BBS9: variants seen among roughly 807,000 people sequenced by gnomAD.
The protein encoded by BBS9 is protein PTHB1.
In BBS9, 89 loss-of-function variants were observed where a neutral mutation model predicts 117.7. That is an observed-to-expected ratio of 0.76 (90% CI 0.64 to 0.90). The LOEUF is 0.90. Ranked by LOEUF, BBS9 falls within the 40% of genes least tolerant of loss-of-function variation. The pLI, the probability that BBS9 is intolerant of heterozygous loss-of-function variation, is 0.00. For missense variants in BBS9, 982 were observed against 1,042.2 expected, an observed-to-expected ratio of 0.94 and a Z score of 0.80; for synonymous variants, 379 against 370.9, an observed-to-expected ratio of 1.02 and a Z score of -0.25.
chr7:33,157,043 T>C (rs896490433), intron 4 of BBS9, among the ~76,000 whole-genome samples: 7 of 152,192 alleles, frequency 4.6e-5, no homozygotes, highest in Admixed American at 4.6e-4. Flanking sequence ...CAGTTATAGT[T>C]ACCCAGAATA....
intron 21 of BBS9, among the ~76,000 whole-genome samples, chr7:33,634,964 G>C (rs1389773584): frequency 1.3e-5 from 2 of 152,230 alleles, no homozygotes; most frequent in African/African-American, 4.8e-5. Flanking sequence ...GTCACGGGCA[G>C]TTGAAATTCT....
At chr7:33,297,278 G>A (rs1344557451) in intron 9 of BBS9, among the ~76,000 whole-genome samples, 2 of 152,078 alleles carry the variant, frequency 1.3e-5, no homozygotes, top group Non-Finnish European at 2.9e-5. Context: ...TTTTAGAGGT[G>A]AAAATCTATT....
chr7:33,357,638 C>A, intron 15 of BBS9: 1 of 624,792 alleles, frequency 1.6e-6, no homozygotes, highest in Non-Finnish European at 2.9e-6. Flanking sequence ...CATGTCTATG[C>A]TTCTTTTAAA....
chr7:33,249,393 A>G (rs1795886564), intron 5 of BBS9, among the ~76,000 whole-genome samples: 1 of 152,106 alleles, frequency 6.6e-6, no homozygotes, highest in Non-Finnish European at 1.5e-5. Flanking sequence ...CTTTGACTAT[A>G]TGATATTTTA....
intron 21 of BBS9, among the ~76,000 whole-genome samples, chr7:33,585,305 G>A (rs1213080935): frequency 6.6e-6 from 1 of 152,144 alleles, no homozygotes. Flanking sequence ...AAGGGGTGTA[G>A]TAGGTGTTGA....
At chr7:33,228,151 C>T (rs948970822) in intron 5 of BBS9, among the ~76,000 whole-genome samples, 2 of 151,964 alleles carry the variant, frequency 1.3e-5, no homozygotes. Flanking sequence ...TATTTTTTGG[C>T]TTTTTAATTG....
At chr7:33,144,073 A>G (rs1263802557) in intron 1 of BBS9, among the ~76,000 whole-genome samples, 1 of 151,920 alleles carries the variant, frequency 6.6e-6, no homozygotes, top group African/African-American at 2.4e-5. Flanking sequence ...CACCACTCTT[A>G]CCTTTATTTT....
intron 9 of BBS9, among the ~76,000 whole-genome samples, chr7:33,297,814 A>G (rs1287915438): frequency 1.3e-5 from 2 of 152,136 alleles, no homozygotes; most frequent in Non-Finnish European, 1.5e-5. Flanking sequence ...TGAGCATAGG[A>G]CAGATTTAAC....
intron 19 of BBS9, among the ~76,000 whole-genome samples, chr7:33,435,354 C>A (rs1462858022): frequency 6.6e-6 from 1 of 152,104 alleles, no homozygotes; most frequent in African/African-American, 2.4e-5. Context: ...TTTGTTAAAT[C>A]TTTGATACTT....
intron 19 of BBS9, among the ~76,000 whole-genome samples, chr7:33,496,291 G>A (rs1844699622): frequency 1.3e-5 from 2 of 152,070 alleles, no homozygotes; most frequent in Non-Finnish European, 1.5e-5. Context: ...AGATCATGAG[G>A]TCAGGAGTTC....
chr7:33,510,088 T>C (rs189436260), intron 20 of BBS9, among the ~76,000 whole-genome samples: 15 of 152,268 alleles, frequency 9.9e-5, no homozygotes, highest in Non-Finnish European at 1.8e-4. Flanking sequence ...TGGTGTCTCC[T>C]AAAAAAGCTC....
At chr7:33,362,908 G>GT (rs148243550) in intron 16 of BBS9, among the ~76,000 whole-genome samples, 23,800 of 151,830 alleles carry the variant, frequency 0.16, 2,312 homozygotes, top group South Asian at 0.21. Context: ...CTGTATTCTA[G>GT]TTTTTTTAAG....
chr7:33,377,951 G>T (rs1824203057), intron 17 of BBS9, among the ~76,000 whole-genome samples: 2 of 152,004 alleles, frequency 1.3e-5, no homozygotes, highest in African/African-American at 4.8e-5. Flanking sequence ...TTATTAAATG[G>T]CCCTAAAATA....
At chr7:33,507,679 A>G (rs1176095442) in intron 20 of BBS9, among the ~76,000 whole-genome samples, 4 of 152,244 alleles carry the variant, frequency 2.6e-5, no homozygotes, top group African/African-American at 9.6e-5. Flanking sequence ...TGTCGGGTAG[A>G]TGAATGAAGG....
At chr7:33,531,202 G>A (rs1349840453) in intron 20 of BBS9, among the ~76,000 whole-genome samples, 4 of 152,272 alleles carry the variant, frequency 2.6e-5, no homozygotes, top group East Asian at 1.9e-4. Flanking sequence ...CTGAGATCAC[G>A]CCATTGCACT....
At chr7:33,542,825 A>T (rs1852606972) in intron 21 of BBS9, among the ~76,000 whole-genome samples, 1 of 149,106 alleles carries the variant, frequency 6.7e-6, no homozygotes, top group African/African-American at 2.5e-5. Context: ...ACACACACAC[A>T]CACACACACA....
intron 19 of BBS9, among the ~76,000 whole-genome samples, chr7:33,404,541 C>T (rs1346763102): frequency 2.0e-5 from 3 of 152,004 alleles, no homozygotes; most frequent in African/African-American, 7.3e-5. Context: ...TTGTAGTCCT[C>T]CTTGAAGAGG....
intron 5 of BBS9, among the ~76,000 whole-genome samples, chr7:33,219,700 C>G (rs1229925191): frequency 6.6e-6 from 1 of 152,102 alleles, no homozygotes; most frequent in Admixed American, 6.5e-5. Flanking sequence ...GGATTATAAA[C>G]GCACCAATCA....
rs2034516 is a variant in BBS9, at chr7:33,622,845, G to A, written c.2522-12332G>A. On this transcript the variant is annotated intron_variant, in intron 21 of 21. Transcript: ENST00000671952. ...GTAAAAATAGTTTTCAATAAGTGTTGCTGAAGCAATTGGATAACCATATTG... is the reference window on the plus strand; with the variant it reads ...GTAAAAATAGTTTTCAATAAGTGTTACTGAAGCAATTGGATAACCATATTG... 2.2e-3 allele frequency among the ~76,000 whole-genome samples: 336 copies of A among 151,798 alleles called. 1 individual carries two copies. The highest frequency in any genetic ancestry group is 3.1e-3 in the Admixed American group (47 of 15,272).
Sources: gnomAD v4.1 joint callset for allele counts (sites outside exome capture counted in the v4.1 genomes callset) on GRCh38, gnomAD v4.1.1 for gene constraint, MANE v1.5 for transcripts, NCBI Gene and HGNC (gene_info 2026-07-23, HGNC 2026-07-21) for gene names.